The following B4GALT7 variants were observed in gnomAD, a reference collection of about 807,000 sequenced individuals.
B4GALT7 encodes beta-1,4-galactosyltransferase 7.
Under a neutral mutation model 33.0 loss-of-function variants are expected in B4GALT7, and 30 were observed. The observed-to-expected ratio is 0.91, with a 90% CI of 0.68 to 1.23. The LOEUF is 1.23. Among genes scored for constraint, B4GALT7 ranks in the 50% most tolerant of loss-of-function variants. The probability of loss-of-function intolerance (pLI) is 0.00; values close to 1 mark genes in which losing one functional copy is unlikely to be tolerated. For synonymous variants in B4GALT7, 213 were observed against 187.2 expected, an observed-to-expected ratio of 1.14 and a Z score of -1.13; for missense variants, 507 against 450.8, an observed-to-expected ratio of 1.12 and a Z score of -1.13.
chr5:177,603,312 A>G, intron 1 of B4GALT7: 1 of 985,440 alleles, frequency 1.0e-6, no homozygotes, highest in Non-Finnish European at 1.2e-6. Context: ...TGGATTCCTC[A>G]GCTCCTGTCT....
intron 2 of B4GALT7, 80 bp from the exon 3 acceptor site, chr5:177,607,222 T>C: frequency 1.5e-6 from 2 of 1,301,002 alleles, no homozygotes; most frequent in Non-Finnish European, 2.1e-6. Flanking sequence ...ATAGGCACCA[T>C]GGGGACCCCC....
At position 177,609,694 on chromosome 5, in the gene B4GALT7, G is replaced by A. The variant is rs369368903; in HGVS notation, c.983G>A (p.Ter328=). The A allele has an allele frequency of 1.9e-6, 3 of 1,605,828 alleles. No individual in the cohort carries two copies. The highest frequency in any genetic ancestry group is 1.1e-5 in the South Asian group (1 of 90,262). Residue 328 remains the stop codon, a stop_retained_variant, in exon 6 of 6, where the codon TGA becomes TAA. Coordinates refer to ENST00000029410, the MANE Select transcript of B4GALT7 (RefSeq NM_007255.3). ...GCCACACCCTGGTGCACATTCAGCT[G>A]AGCTGGATGGACAGTGAGGAAGCCT... The part of the protein sequence containing the change: ...KTATPWCTFS[*]
chr5:177,608,485 AG>A lies in B4GALT7; in HGVS notation c.640-52del, dbSNP rs927685557. ...GCACTCCCGAGCGGTAGGAGACCAAAGGCCCCCCCCCCCGGGAAGATGGGCC... is the reference window on the plus strand; with the variant it reads ...GCACTCCCGAGCGGTAGGAGACCAAAGCCCCCCCCCCCGGGAAGATGGGCC... On this transcript the variant is annotated intron_variant, in intron 3 of 5. Coordinates refer to ENST00000029410, the MANE Select transcript of B4GALT7 (RefSeq NM_007255.3). The surrounding 1 kb of genome is among the most constrained non-coding windows in gnomAD (Gnocchi z 4.1). 2 of 1,470,632 alleles carry A rather than the reference AG, an allele frequency of 1.4e-6. No individual in the cohort carries two copies. Among genetic ancestry groups the A allele is most frequent in the South Asian group, 1.1e-5 (1 of 87,830 alleles). The allele number at this position is 1,470,632 out of a possible 1,614,324, so 91.1% of individuals were successfully genotyped here.
In B4GALT7 at chr5:177,608,723, T is replaced by C. The variant is rs1398948106; in HGVS notation, c.723+101T>C. 2.4e-6 allele frequency: 3 copies of C among 1,249,998 alleles called. No homozygotes were observed. 77.4% of individuals were successfully genotyped at this position (1,249,998 alleles called of 1,614,324 possible). The stretch of plus-strand genomic sequence containing the variant: ...AGCTCCTGGGGTCTGGAGATGGCCC[T>C]GATTCTGATCCCTGCCCTAACCCTG... On this transcript the variant is annotated intron_variant, in intron 4 of 5. Transcript: ENST00000029410. This position sits in a 1 kb window ranked among gnomAD's most constrained non-coding sequence, Gnocchi z 4.1.
In B4GALT7 at chr5:177,607,532, G is replaced by A. The variant is rs1421361359; in HGVS notation, c.639+5G>A. The A allele has an allele frequency of 4.3e-6, 7 of 1,609,258 alleles. No homozygotes were observed. The highest frequency in any genetic ancestry group is 5.9e-6 in the Non-Finnish European group (7 of 1,179,508). Reference sequence around the variant, plus strand: ...TCCAAGCAGCACTACCGGCTGGTGAGGCCCGGACAGCCTGCTCTGCTCAGA... The same window carrying A: ...TCCAAGCAGCACTACCGGCTGGTGAAGCCCGGACAGCCTGCTCTGCTCAGA... On this transcript the variant is annotated splice_donor_5th_base_variant and intron_variant, in intron 3 of 5. Transcript: ENST00000029410.
In B4GALT7 at chr5:177,604,431, C is replaced by G; in HGVS notation, c.303C>G (p.Phe101Leu). Reference protein sequence around the residue: ...GPHRLAVLVPFRERFEELLVF... With the variant: ...GPHRLAVLVPLRERFEELLVF... ...ACCGCCTGGCAGTGCTGGTGCCCTT[C>G]CGCGAACGCTTCGAGGAGCTCCTGG... The change falls in exon 2 of 6, where the codon TTC becomes TTG. Residue 101 changes from phenylalanine (F) to leucine (L), a missense_variant. Physicochemically the swap from Phe to Leu is conservative, Grantham distance 22 (BLOSUM62 0). Transcript: ENST00000029410. 6.2e-7 allele frequency: 1 copy of G among 1,613,954 alleles called. No homozygotes were observed. Among genetic ancestry groups the G allele is most frequent in the Non-Finnish European group, 8.5e-7 (1 of 1,179,906 alleles).
rs1767806813 is a variant in B4GALT7 at position 177,600,222 on chromosome 5, G to A, written c.12G>A (p.Ser4=). The A allele has an allele frequency of 7.2e-7, 1 of 1,391,542 alleles. No individual in the cohort carries two copies. The highest frequency in any genetic ancestry group is 1.5e-5 in the South Asian group (1 of 65,620). 86.2% of individuals were successfully genotyped at this position (1,391,542 alleles called of 1,614,324 possible). A position where few individuals can be genotyped will look rare whatever the true frequency, so the allele number is the denominator to read the frequency against. ...CGCCTCTCCGCACGATGTTCCCCTC[G>A]CGGAGGAAAGCGGCGCAGCTGCCCT... is the stretch of plus-strand genomic sequence containing the variant. MFP[S]RRKAAQLPWE... Residue 4 remains serine (S), a synonymous_variant, in exon 1 of 6, where the codon TCG becomes TCA. Transcript: ENST00000029410. This position sits in a 1 kb window ranked among gnomAD's most constrained non-coding sequence, Gnocchi z 4.4.
Position 177,609,004 on chromosome 5 carries a change from C to T in B4GALT7, c.818C>T (p.Ala273Val). 1 of 1,611,476 alleles carries T rather than the reference C, an allele frequency of 6.2e-7. No individual in the cohort carries two copies. Residue 273 changes from alanine (A) to valine (V), a missense_variant, in exon 5 of 6, where the codon GCT becomes GTT. Ala to Val is a moderately conservative substitution (Grantham distance 64, BLOSUM62 0). Transcript: ENST00000029410. ...AAGAGGGACCAGAAGCGCATCGCAGCTCAAAAACAGGTGCTGGCAGGGCTC... is the reference window on the plus strand; with the variant it reads ...AAGAGGGACCAGAAGCGCATCGCAGTTCAAAAACAGGTGCTGGCAGGGCTC... ...WRKRDQKRIA[A>V]QKQEQFKVDR...
At position 177,609,575 on chromosome 5, in the gene B4GALT7, C is replaced by T; in HGVS notation, c.864C>T (p.Asn288=). 6.2e-7 allele frequency: 1 copy of T among 1,613,810 alleles called. No individual in the cohort carries two copies. Among genetic ancestry groups the T allele is most frequent in the Non-Finnish European group, 8.5e-7 (1 of 1,180,036 alleles). The change falls in exon 6 of 6, where the codon AAC becomes AAT. Residue 288 remains asparagine (N), a synonymous_variant. Transcript: ENST00000029410. ...QFKVDREGGL[N]TVKYHVASRT... Reference sequence around the variant, plus strand: ...AGGTGGACAGGGAGGGAGGCCTGAACACTGTGAAGTACCATGTGGCTTCCC... The same window carrying T: ...AGGTGGACAGGGAGGGAGGCCTGAATACTGTGAAGTACCATGTGGCTTCCC...
At position 177,608,306 on chromosome 5, in the gene B4GALT7, C is replaced by T; in HGVS notation, c.640-233C>T. 1 of 563,578 alleles carries T rather than the reference C, an allele frequency of 1.8e-6. No homozygotes were observed. The highest frequency in any genetic ancestry group is 3.2e-6 in the Non-Finnish European group (1 of 314,220). 34.9% of individuals were successfully genotyped at this position (563,578 alleles called of 1,614,324 possible). On this transcript the variant is annotated intron_variant, in intron 3 of 5. Transcript: ENST00000029410. This position sits in a 1 kb window ranked among gnomAD's most constrained non-coding sequence, Gnocchi z 4.1. ...CCCACAGAGATCCCCTCTGGGCAGCCAGCCGTTTTTGAGAAGGTGAGCCTC... is the reference window on the plus strand; with the variant it reads ...CCCACAGAGATCCCCTCTGGGCAGCTAGCCGTTTTTGAGAAGGTGAGCCTC...
intron 3 of B4GALT7, 34 bp downstream of exon 3, chr5:177,607,561 G>A (rs747876530): frequency 5.7e-6 from 9 of 1,585,006 alleles, no homozygotes; most frequent in South Asian, 4.4e-5. Flanking sequence ...GCTCAGAGCC[G>A]GGAGCTCCCT....
In B4GALT7 at chr5:177,604,426, C is replaced by T. The variant is rs1158245018; in HGVS notation, c.298C>T (p.Pro100Ser). Residue 100 changes from proline (P) to serine (S), a missense_variant, in exon 2 of 6, where the codon CCC (proline) becomes TCC (serine). By Grantham distance (74) the Pro-to-Ser change is moderately conservative. Coordinates refer to ENST00000029410, the MANE Select transcript of B4GALT7 (RefSeq NM_007255.3). ...WGPHRLAVLV[P>S]FRERFEELLV... ...CCCCCACCGCCTGGCAGTGCTGGTG[C>T]CCTTCCGCGAACGCTTCGAGGAGCT... is the stretch of plus-strand genomic sequence containing the variant. 6.2e-7 allele frequency: 1 copy of T among 1,613,932 alleles called. No individual in the cohort carries two copies. The highest frequency in any genetic ancestry group is 2.2e-5 in the East Asian group (1 of 44,866).
chr5:177,609,656 C>T lies in B4GALT7; in HGVS notation c.945C>T (p.Asp315=), dbSNP rs2127514653. The T allele has an allele frequency of 1.9e-6, 3 of 1,613,400 alleles. No homozygotes were observed. In the Admixed American group the frequency reaches 5.0e-5, roughly 27 times the overall value. ...APCTVLNIML[D]CDKTATPWCT... ...GCACTGTCCTCAACATCATGTTGGACTGTGACAAGACCGCCACACCCTGGT... is the reference window on the plus strand; with the variant it reads ...GCACTGTCCTCAACATCATGTTGGATTGTGACAAGACCGCCACACCCTGGT... The change falls in exon 6 of 6, where the codon GAC becomes GAT. Residue 315 remains aspartate, a synonymous_variant. Coordinates refer to ENST00000029410, the MANE Select transcript of B4GALT7 (RefSeq NM_007255.3).
intron 2 of B4GALT7, chr5:177,605,217 C>T (rs1767955963): frequency 2.8e-6 from 1 of 357,924 alleles, no homozygotes; most frequent in Admixed American, 3.7e-5. Context: ...CCCTCCCTGG[C>T]ATACTCCCTC....
chr5:177,609,202 T>A (rs1438099810), intron 5 of B4GALT7, among the ~76,000 whole-genome samples, 188 bp downstream of exon 5: 1 of 152,058 alleles, frequency 6.6e-6, no homozygotes, highest in East Asian at 1.9e-4. Flanking sequence ...CCCTGGGCAC[T>A]GTGGGTCAGC....
intron 1 of B4GALT7, among the ~76,000 whole-genome samples, chr5:177,603,526 GCTGC>G (rs1561813687): frequency 6.6e-6 from 1 of 152,144 alleles, no homozygotes; most frequent in African/African-American, 2.4e-5. Flanking sequence ...TTTATCATGA[GCTGC>G]CTCTTGGACT....
chr5:177,600,304 G>C lies in B4GALT7; in HGVS notation c.50+44G>C, dbSNP rs1767810756. ...CCCGGGCCCCGTCCTCCCGGGCGCCGCTCCCTTCTCGGCCGCCGGCGGAAT... is the reference window on the plus strand; with the variant it reads ...CCCGGGCCCCGTCCTCCCGGGCGCCCCTCCCTTCTCGGCCGCCGGCGGAAT... On this transcript the variant is annotated intron_variant, in intron 1 of 5. Coordinates refer to ENST00000029410, the MANE Select transcript of B4GALT7 (RefSeq NM_007255.3). This position sits in a 1 kb window ranked among gnomAD's most constrained non-coding sequence, Gnocchi z 4.4. 7.8e-7 allele frequency: 1 copy of C among 1,286,750 alleles called. No homozygotes were observed. The highest frequency in any genetic ancestry group is 9.9e-7 in the Non-Finnish European group (1 of 1,012,270). The allele number at this position is 1,286,750 out of a possible 1,614,324, so 79.7% of individuals were successfully genotyped here.
rs1416146236 is a variant in B4GALT7 at position 177,604,435 on chromosome 5, G to A, written c.307G>A (p.Glu103Lys). The part of the protein sequence containing the change: ...HRLAVLVPFR[E>K]RFEELLVFVP... Reference sequence around the variant, plus strand: ...CCTGGCAGTGCTGGTGCCCTTCCGCGAACGCTTCGAGGAGCTCCTGGTCTT... The same window carrying A: ...CCTGGCAGTGCTGGTGCCCTTCCGCAAACGCTTCGAGGAGCTCCTGGTCTT... The change falls in exon 2 of 6, where the codon GAA becomes AAA. Residue 103 changes from glutamate to lysine, a missense_variant. Physicochemically the swap from Glu to Lys is moderately conservative, Grantham distance 56. Coordinates refer to ENST00000029410, the MANE Select transcript of B4GALT7 (RefSeq NM_007255.3). The A allele has an allele frequency of 2.5e-6, 4 of 1,613,950 alleles. No homozygotes were observed. Among genetic ancestry groups the A allele is most frequent in the Non-Finnish European group, 3.4e-6 (4 of 1,179,920 alleles).
At chr5:177,602,624 C>T (rs547431776) in intron 1 of B4GALT7, among the ~76,000 whole-genome samples, 8 of 152,154 alleles carry the variant, frequency 5.3e-5, no homozygotes, top group Admixed American at 5.2e-4. Context: ...AAGGAGCAGG[C>T]TGTGTGAGGG....
Sources: allele counts gnomAD v4.1 joint callset (sites outside exome capture counted in the v4.1 genomes callset), GRCh38; gene constraint gnomAD v4.1.1; non-coding constraint Gnocchi (gnomAD v3.1); transcripts MANE v1.5; gene names NCBI Gene and HGNC (gene_info 2026-07-23, HGNC 2026-07-21).